MRPL42: variants seen among roughly 807,000 people sequenced by gnomAD.
MRPL42 encodes the protein mitochondrial ribosomal protein L42.
Under a neutral mutation model 17.9 loss-of-function variants are expected in MRPL42, and 17 were observed. The ratio of observed to expected loss-of-function variants is 0.95; its 90% CI spans 0.65 to 1.42. The LOEUF (loss-of-function observed/expected upper bound fraction) is 1.42, where lower values mean the gene tolerates loss of function less well. Among genes scored for constraint, MRPL42 ranks in the 40% most tolerant of loss-of-function variants. The probability of loss-of-function intolerance (pLI) is 0.00; values close to 1 mark genes in which losing one functional copy is unlikely to be tolerated. For synonymous variants in MRPL42, 59 were observed against 54.4 expected, an observed-to-expected ratio of 1.08 and a Z score of -0.37; for missense variants, 177 against 175.2, an observed-to-expected ratio of 1.01 and a Z score of -0.06.
intron 2 of MRPL42, 87 bp downstream of exon 2, chr12:93,469,442 G>A: frequency 1.1e-6 from 1 of 904,114 alleles, no homozygotes; most frequent in Non-Finnish European, 1.7e-6. Context: ...GTATATGCCT[G>A]TAATTTGCAG....
chr12:93,475,929 A>C (rs1017776334), intron 2 of MRPL42, among the ~76,000 whole-genome samples: 6 of 151,940 alleles, frequency 3.9e-5, no homozygotes, highest in South Asian at 4.2e-4. Flanking sequence ...TGCAGTGAGC[A>C]GAGATCGCAC....
At position 93,504,365 on chromosome 12, in the gene MRPL42, T is replaced by C. The variant is rs1182973905; in HGVS notation, c.*3144T>C. 6.6e-6 allele frequency: 1 copy of C among 152,462 alleles called. No homozygotes were observed. The highest frequency in any genetic ancestry group is 1.5e-5 in the Non-Finnish European group (1 of 68,140). The allele number at this position is 152,462 out of a possible 1,614,324, so 9.4% of individuals were successfully genotyped here. A position where few individuals can be genotyped will look rare whatever the true frequency, so the allele number is the denominator to read the frequency against. ...CATGTTGGTCAGGCTGGTCTCGAAC[T>C]CCTGACCTCAAGTGTCCACACACCT... On this transcript the variant is annotated 3_prime_UTR_variant, in exon 6 of 6. Coordinates refer to ENST00000549982, the MANE Select transcript of MRPL42 (RefSeq NM_014050.4).
At chr12:93,477,863 A>G (rs892370504) in intron 3 of MRPL42, among the ~76,000 whole-genome samples, 4 of 152,184 alleles carry the variant, frequency 2.6e-5, no homozygotes, top group Non-Finnish European at 5.9e-5. Flanking sequence ...GGGTTTCACC[A>G]TGTTAGCCAG....
intron 2 of MRPL42, among the ~76,000 whole-genome samples, chr12:93,475,047 A>G (rs573359399): frequency 5.3e-5 from 8 of 152,218 alleles, no homozygotes; most frequent in African/African-American, 1.9e-4. Flanking sequence ...GAGCTGAGAT[A>G]GACAACTCTT....
chr12:93,486,639 A>G (rs545029779), intron 4 of MRPL42, among the ~76,000 whole-genome samples: 1 of 148,270 alleles, frequency 6.7e-6, no homozygotes, highest in African/African-American at 2.5e-5. Context: ...CACCCGGCCA[A>G]AAAATGTCAT....
rs1019491058 is a variant in MRPL42, at chr12:93,502,976, TAA to T, written c.*1756_*1757del. 8.7e-5 allele frequency: 9 copies of T among 103,468 alleles called. No individual in the cohort carries two copies. The East Asian group carries it at 2.0e-3, about 23-fold the overall frequency. 6.4% of individuals were successfully genotyped at this position (103,468 alleles called of 1,614,324 possible). The stretch of plus-strand genomic sequence containing the variant: ...GTTGCTGATTTTTAATTTTGCTAAA[TAA>T]GCACATAGTCCGTGATCACCAGCAT... On this transcript the variant is annotated 3_prime_UTR_variant, in exon 6 of 6. Transcript: ENST00000549982.
At chr12:93,484,138 T>C (rs937542772) in intron 4 of MRPL42, among the ~76,000 whole-genome samples, 1 of 152,204 alleles carries the variant, frequency 6.6e-6, no homozygotes, top group African/African-American at 2.4e-5. Flanking sequence ...TGTTTTACAA[T>C]TGACTTTTTT....
intron 4 of MRPL42, among the ~76,000 whole-genome samples, chr12:93,480,649 C>T (rs1171748083): frequency 1.3e-5 from 2 of 151,602 alleles, no homozygotes; most frequent in African/African-American, 4.8e-5. Flanking sequence ...TCAAGCGATT[C>T]TCCTGTCTCA....
intron 1 of MRPL42, among the ~76,000 whole-genome samples, chr12:93,468,528 A>C (rs902141202): frequency 4.6e-5 from 7 of 152,180 alleles, no homozygotes; most frequent in Admixed American, 4.6e-4. Context: ...TTTGTACTTT[A>C]GTTTCTTCAT....
intron 3 of MRPL42, among the ~76,000 whole-genome samples, chr12:93,478,576 G>A (rs1209873594): frequency 1.3e-5 from 2 of 152,114 alleles, no homozygotes; most frequent in African/African-American, 4.8e-5. Context: ...TACATCTAAT[G>A]AGTACTATAA....
In MRPL42 at chr12:93,509,905, G is replaced by C. The variant is rs1469904045; in HGVS notation, c.*8684G>C. The C allele has an allele frequency of 6.6e-6, 1 of 152,074 alleles. No homozygotes were observed. Among genetic ancestry groups the C allele is most frequent in the East Asian group, 1.9e-4 (1 of 5,194 alleles). 9.4% of individuals were successfully genotyped at this position (152,074 alleles called of 1,614,324 possible). ...CCTCCCTCATCACCATCCCCCAGCA[G>C]AGTGGCACATTGGTTACAATTGATA... is the stretch of plus-strand genomic sequence containing the variant. On this transcript the variant is annotated 3_prime_UTR_variant, in exon 6 of 6. Transcript: ENST00000549982.
chr12:93,469,767 A>G (rs145608221), intron 2 of MRPL42, among the ~76,000 whole-genome samples: 203 of 152,322 alleles, frequency 1.3e-3, no homozygotes, highest in African/African-American at 4.5e-3. Flanking sequence ...ACATCTATAT[A>G]TATCTATCAT....
chr12:93,485,183 C>T (rs1400248772), intron 4 of MRPL42, among the ~76,000 whole-genome samples: 1 of 130,460 alleles, frequency 7.7e-6, no homozygotes, highest in African/African-American at 2.9e-5. Context: ...TTTTAATTGA[C>T]ACAGGGTCTG....
chr12:93,487,713 A>AT lies in MRPL42; in HGVS notation c.383+54dup. The stretch of plus-strand genomic sequence containing the variant: ...CCTACTACATACAGTAAAGGAACAC[A>AT]TGGATTTTCTTGCAATAACAAACTT... On this transcript the variant is annotated intron_variant, in intron 5 of 5. Coordinates refer to ENST00000549982, the MANE Select transcript of MRPL42 (RefSeq NM_014050.4). The AT allele has an allele frequency of 2.8e-6, 4 of 1,428,290 alleles. No individual in the cohort carries two copies. In the South Asian group the frequency reaches 4.2e-5, roughly 15 times the overall value. The allele number at this position is 1,428,290 out of a possible 1,614,324, so 88.5% of individuals were successfully genotyped here. A position where few individuals can be genotyped will look rare whatever the true frequency, so the allele number is the denominator to read the frequency against.
At position 93,513,404 on chromosome 12, in the gene MRPL42, A is replaced by G. The variant is rs1399245689; in HGVS notation, c.*12183A>G. ...GTCTCCTTGTGTTACCCAGGTTGGT[A>G]TCAAACTCCTGGTCTCAAGTGATCC... is the stretch of plus-strand genomic sequence containing the variant. On this transcript the variant is annotated 3_prime_UTR_variant, in exon 6 of 6. Transcript: ENST00000549982. 1.3e-5 allele frequency: 2 copies of G among 152,134 alleles called. No individual in the cohort carries two copies. The highest frequency in any genetic ancestry group is 2.4e-5 in the African/African-American group (1 of 41,524). The allele number at this position is 152,134 out of a possible 1,614,324, so 9.4% of individuals were successfully genotyped here. A position where few individuals can be genotyped will look rare whatever the true frequency, so the allele number is the denominator to read the frequency against.
intron 5 of MRPL42, among the ~76,000 whole-genome samples, chr12:93,491,754 A>G (rs1953420039): frequency 6.6e-6 from 1 of 152,182 alleles, no homozygotes; most frequent in Admixed American, 6.5e-5. Context: ...GTAGTTCTTC[A>G]GCTTTCTCTC....
chr12:93,484,989 T>TACACACAC (rs1483162890), intron 4 of MRPL42, among the ~76,000 whole-genome samples: 2 of 21,544 alleles, frequency 9.3e-5, no homozygotes, highest in Non-Finnish European at 1.6e-4. Flanking sequence ...CATATATATA[T>TACACACAC]ATATATATAT....
chr12:93,484,987 T>TACAC (rs1555201400), intron 4 of MRPL42, among the ~76,000 whole-genome samples: 2 of 14,832 alleles, frequency 1.3e-4, no homozygotes, highest in African/African-American at 8.0e-4. Flanking sequence ...CACATATATA[T>TACAC]ATATATATAT....
chr12:93,497,813 T>A (rs532637825), intron 5 of MRPL42, among the ~76,000 whole-genome samples: 1 of 151,904 alleles, frequency 6.6e-6, no homozygotes, highest in Admixed American at 6.5e-5. Flanking sequence ...GTTCTTGTAA[T>A]TTTTCTGTTG....
Sources: allele counts gnomAD v4.1 joint callset (sites outside exome capture counted in the v4.1 genomes callset), GRCh38; gene constraint gnomAD v4.1.1; transcripts MANE v1.5; gene names NCBI Gene and HGNC (gene_info 2026-07-23, HGNC 2026-07-21).